The following ZNF385D variants were observed in gnomAD, a reference collection of about 807,000 sequenced individuals.
The protein encoded by ZNF385D is zinc finger protein 385D, also known as zinc finger protein 659.
Under a neutral mutation model 35.8 loss-of-function variants are expected in ZNF385D, and 15 were observed. The observed-to-expected ratio is 0.42, with a 90% confidence interval of 0.28 to 0.64. The LOEUF (loss-of-function observed/expected upper bound fraction) is 0.64, where lower values mean the gene tolerates loss of function less well. Among genes scored for constraint, ZNF385D ranks in the 30% least tolerant of loss-of-function variants. ZNF385D has a pLI of 0.23. For missense variants in ZNF385D, 474 were observed against 494.6 expected (o/e 0.96, Z 0.39); for synonymous variants, 212 against 186.8 (o/e 1.13, Z -1.10).
intron 2 of ZNF385D, among the ~76,000 whole-genome samples, chr3:22,179,506 T>C (rs112665464): frequency 2.5e-4 from 38 of 152,402 alleles, no homozygotes; most frequent in African/African-American, 8.7e-4. Flanking sequence ...CGGGGTTTTC[T>C]AGATATACAA....
chr3:22,075,061 A>T (rs546418166), intron 3 of ZNF385D, among the ~76,000 whole-genome samples: 51 of 152,052 alleles, frequency 3.4e-4, no homozygotes, highest in African/African-American at 1.1e-3. Context: ...GTAATTTTTT[A>T]AAAATACTAA....
chr3:22,077,261 C>G (rs1269427278), intron 3 of ZNF385D, among the ~76,000 whole-genome samples: 1 of 151,888 alleles, frequency 6.6e-6, no homozygotes, highest in East Asian at 1.9e-4. Flanking sequence ...TTTTCCTGGA[C>G]TAGATTATGT....
At chr3:21,470,962 T>C (rs1703843910) in intron 4 of ZNF385D, among the ~76,000 whole-genome samples, 1 of 152,140 alleles carries the variant, frequency 6.6e-6, no homozygotes, top group African/African-American at 2.4e-5. Flanking sequence ...GGGCTCCAAA[T>C]TCATATTCTA....
At chr3:21,642,931 G>C (rs555806375) in intron 2 of ZNF385D, among the ~76,000 whole-genome samples, 1 of 152,060 alleles carries the variant, frequency 6.6e-6, no homozygotes, top group Non-Finnish European at 1.5e-5. Context: ...TGGTTGCCAG[G>C]GTCTCGGGAG....
At chr3:21,851,264 G>T (rs1201622436) in intron 3 of ZNF385D, among the ~76,000 whole-genome samples, 1 of 152,120 alleles carries the variant, frequency 6.6e-6, no homozygotes, top group Admixed American at 6.6e-5. Context: ...TGAATTTGAT[G>T]AAAGCAACTA....
intron 3 of ZNF385D, among the ~76,000 whole-genome samples, chr3:21,891,093 T>G (rs1423445394): frequency 6.6e-6 from 1 of 152,174 alleles, no homozygotes; most frequent in African/African-American, 2.4e-5. Flanking sequence ...ATTTCATCAT[T>G]TGCAAAATGG....
chr3:21,877,558 T>C (rs1286572559), intron 3 of ZNF385D, among the ~76,000 whole-genome samples: 1 of 152,120 alleles, frequency 6.6e-6, no homozygotes, highest in East Asian at 1.9e-4. Flanking sequence ...TAATTGATTC[T>C]GGAGAGCCTC....
intron 2 of ZNF385D, among the ~76,000 whole-genome samples, chr3:22,333,017 T>C (rs1251875915): frequency 6.6e-6 from 1 of 152,150 alleles, no homozygotes; most frequent in Non-Finnish European, 1.5e-5. Flanking sequence ...TTCTCATACA[T>C]TTTCTTCATC....
intron 3 of ZNF385D, among the ~76,000 whole-genome samples, chr3:22,048,895 T>A (rs1247823643): frequency 6.6e-6 from 1 of 152,192 alleles, no homozygotes; most frequent in Non-Finnish European, 1.5e-5. Context: ...ATCTTTTCAT[T>A]TGTCTGTATC....
At chr3:21,425,954 G>C (rs1162631963) in intron 5 of ZNF385D, among the ~76,000 whole-genome samples, 1 of 152,062 alleles carries the variant, frequency 6.6e-6, no homozygotes, top group Non-Finnish European at 1.5e-5. Flanking sequence ...AGCACCGTTA[G>C]TATAGTAACT....
At chr3:21,798,549 A>C (rs191728759) in intron 3 of ZNF385D, among the ~76,000 whole-genome samples, 2,518 of 152,264 alleles carry the variant, frequency 0.017, 73 homozygotes, top group African/African-American at 0.057. Context: ...CAATTGGCTC[A>C]TCTAATTAGG....
intron 3 of ZNF385D, among the ~76,000 whole-genome samples, chr3:21,893,726 C>A (rs1005909089): frequency 6.6e-6 from 1 of 152,078 alleles, no homozygotes; most frequent in Non-Finnish European, 1.5e-5. Context: ...GAGAATTTCC[C>A]TCTCGTCAAG....
intron 4 of ZNF385D, among the ~76,000 whole-genome samples, chr3:21,508,517 A>G (rs1575074033): frequency 1.3e-5 from 2 of 152,174 alleles, no homozygotes; most frequent in East Asian, 3.9e-4. Flanking sequence ...TCCCCCTTCC[A>G]ATTACTGATA....
rs560913189 is a variant in ZNF385D at position 21,415,238 on chromosome 3, G to T, written c.*5976C>A. On this transcript the variant is annotated 3_prime_UTR_variant, in exon 8 of 8. Transcript: ENST00000281523. The stretch of plus-strand genomic sequence containing the variant: ...TGAAGGCTCTCTCTGCTAATTTTCC[G>T]TTGTCTTGTTATACCATGTCCTGCA... 6.6e-6 allele frequency: 1 copy of T among 152,020 alleles called. No homozygotes were observed. The highest frequency in any genetic ancestry group is 6.6e-5 in the Admixed American group (1 of 15,250). 9.4% of individuals were successfully genotyped at this position (152,020 alleles called of 1,614,324 possible).
intron 3 of ZNF385D, among the ~76,000 whole-genome samples, chr3:21,557,175 C>T (rs1366865865): frequency 1.3e-5 from 2 of 152,074 alleles, no homozygotes; most frequent in African/African-American, 4.8e-5. Context: ...CTTGCCTGAT[C>T]CCCTGGCCAG....
At chr3:22,026,663 A>G (rs1697572197) in intron 3 of ZNF385D, among the ~76,000 whole-genome samples, 1 of 152,210 alleles carries the variant, frequency 6.6e-6, no homozygotes. Context: ...GAGTCCTCAC[A>G]TTGACTTCCT....
chr3:21,700,719 G>A (rs993636347), intron 1 of ZNF385D, among the ~76,000 whole-genome samples: 15 of 152,132 alleles, frequency 9.9e-5, no homozygotes, highest in Admixed American at 5.2e-4. Context: ...AAGGCTTTTG[G>A]AAAGTTATTT....
intron 2 of ZNF385D, among the ~76,000 whole-genome samples, chr3:22,205,373 G>A (rs1576493378): frequency 6.6e-6 from 1 of 151,464 alleles, no homozygotes; most frequent in East Asian, 1.9e-4. Context: ...GCTATAAGAA[G>A]TTCTACAATC....
intron 3 of ZNF385D, among the ~76,000 whole-genome samples, chr3:21,523,802 A>G (rs1708059714): frequency 1.3e-5 from 2 of 151,926 alleles, no homozygotes; most frequent in African/African-American, 2.4e-5. Context: ...GAAATAAAAC[A>G]TGTTTGCATT....
Sources: gnomAD v4.1 joint callset for allele counts (sites outside exome capture counted in the v4.1 genomes callset) on GRCh38, gnomAD v4.1.1 for gene constraint, MANE v1.5 for transcripts, NCBI Gene and HGNC (gene_info 2026-07-23, HGNC 2026-07-21) for gene names.